The following ARSG variants were observed in gnomAD, a reference collection of about 807,000 sequenced individuals.
The protein encoded by ARSG is arylsulfatase G, also known as ASG.
ARSG carries 37 observed loss-of-function variants against 50.5 expected under a neutral mutation model. The observed-to-expected ratio is 0.73, with a 90% CI of 0.56 to 0.96. The LOEUF (loss-of-function observed/expected upper bound fraction) is 0.96. Among genes scored for constraint, ARSG ranks in the 50% least tolerant of loss-of-function variants. The pLI, the probability that ARSG is intolerant of heterozygous loss-of-function variation, is 0.00. For synonymous variants in ARSG, 225 were observed against 254.6 expected, an observed-to-expected ratio of 0.88 and a Z score of 1.11; for missense variants, 629 against 675.3, an observed-to-expected ratio of 0.93 and a Z score of 0.76.
chr17:68,319,075 C>T (rs1426518785), intron 2 of ARSG, among the ~76,000 whole-genome samples: 2 of 152,182 alleles, frequency 1.3e-5, no homozygotes, highest in East Asian at 3.8e-4. Context: ...GTGATGAGGT[C>T]TTGATATCTG....
intron 8 of ARSG, among the ~76,000 whole-genome samples, chr17:68,376,357 G>A (rs2080152402): frequency 1.4e-5 from 2 of 147,214 alleles, no homozygotes; most frequent in African/African-American, 5.0e-5. Flanking sequence ...GCTCACTGCA[G>A]CCTCAACCTC....
chr17:68,344,204 C>T (rs2078404500), intron 3 of ARSG, among the ~76,000 whole-genome samples: 1 of 152,212 alleles, frequency 6.6e-6, no homozygotes, highest in South Asian at 2.1e-4. Flanking sequence ...AGGGAGATGG[C>T]TCAGCTCTGC....
chr17:68,391,773 C>T (rs1045278033), intron 9 of ARSG, among the ~76,000 whole-genome samples: 1 of 152,160 alleles, frequency 6.6e-6, no homozygotes, highest in Non-Finnish European at 1.5e-5. Context: ...CCGTGCTCTG[C>T]GAGTGCTGAC....
At chr17:68,426,251 G>GGGGGGGGGGGGGGGT, downstream of ARSG, 6 of 825,460 alleles carry the variant, frequency 7.3e-6, 1 homozygote, top group South Asian at 2.6e-5. Context: ...GTGGGGAGCG[G>GGGGGGGGGGGGGGGT]GGGCTCAAAT....
At chr17:68,430,806 G>A in the ARSG span, among the ~76,000 whole-genome samples, 5 of 152,212 alleles carry the variant, frequency 3.3e-5, no homozygotes, top group Non-Finnish European at 7.3e-5. Flanking sequence ...CCCACACAGA[G>A]GGTGGCACAT....
chr17:68,340,580 C>G (rs1224653176), intron 2 of ARSG, among the ~76,000 whole-genome samples: 1 of 152,190 alleles, frequency 6.6e-6, no homozygotes, highest in Non-Finnish European at 1.5e-5. Flanking sequence ...GCCACCACGC[C>G]AGGCCTAATT....
intron 1 of ARSG, among the ~76,000 whole-genome samples, chr17:68,295,043 C>T (rs1555757635): frequency 6.6e-6 from 1 of 152,164 alleles, no homozygotes; most frequent in Admixed American, 6.6e-5. Context: ...GTGCAAGGGG[C>T]TTAGCACTGG....
intron 11 of ARSG, among the ~76,000 whole-genome samples, chr17:68,417,634 T>G (rs1159265648): frequency 6.6e-6 from 1 of 151,870 alleles, no homozygotes; most frequent in Non-Finnish European, 1.5e-5. Flanking sequence ...CTCTGTTAAG[T>G]TGTGATTGTT....
At chr17:68,295,035 G>T (rs187995153) in intron 1 of ARSG, among the ~76,000 whole-genome samples, 17 of 152,316 alleles carry the variant, frequency 1.1e-4, no homozygotes. Context: ...ATTAACACGT[G>T]CAAGGGGCTT....
downstream of ARSG, chr17:68,426,072 C>G: frequency 6.2e-7 from 1 of 1,612,804 alleles, no homozygotes; most frequent in Non-Finnish European, 8.5e-7. Flanking sequence ...TCCTAATGCT[C>G]ACAGGAGGAA....
chr17:68,274,396 G>A (rs1176366829), intron 1 of ARSG: 5 of 201,226 alleles, frequency 2.5e-5, no homozygotes, highest in Non-Finnish European at 5.2e-5. Flanking sequence ...AGCCTGGGAG[G>A]CAGACGATGC....
chr17:68,424,041 G>A (rs762252795), downstream of ARSG, among the ~76,000 whole-genome samples: 2 of 152,092 alleles, frequency 1.3e-5, no homozygotes, highest in East Asian at 1.9e-4. Context: ...TGGAAGCCTC[G>A]ACTTCAGGTA....
Position 68,270,840 on chromosome 17 carries a change from T to C in ARSG, c.-552+11414T>C, listed in dbSNP as rs782484148. 60 of 1,598,574 alleles carry C rather than the reference T, an allele frequency of 3.8e-5. No homozygotes were observed. The South Asian group carries it at 6.0e-4, about 16-fold the overall frequency. On this transcript the variant is annotated intron_variant, in intron 1 of 11. Coordinates refer to the ARSG transcript ENST00000448504. The stretch of plus-strand genomic sequence containing the variant: ...TTGTATTTTGTGTATTTAAATTACC[T>C]GCAAGGGGCGGTCCAGCCAGTCCTG...
intron 8 of ARSG, among the ~76,000 whole-genome samples, chr17:68,383,944 C>A (rs915229871): frequency 3.9e-5 from 6 of 152,158 alleles, no homozygotes; most frequent in African/African-American, 1.4e-4. Context: ...GACTCCAAAG[C>A]TGATTATGAA....
intron 11 of ARSG, among the ~76,000 whole-genome samples, chr17:68,412,761 T>G (rs1211307796): frequency 2.0e-5 from 3 of 152,200 alleles, no homozygotes; most frequent in African/African-American, 7.2e-5. Context: ...GGTACACCAA[T>G]CAGACGTAGA....
At position 68,420,504 on chromosome 17, in the gene ARSG, T is replaced by G. The variant is rs2082705703; in HGVS notation, c.*41T>G. The G allele has an allele frequency of 6.3e-7, 1 of 1,587,920 alleles. No individual in the cohort carries two copies. Among genetic ancestry groups the G allele is most frequent in the African/African-American group, 1.4e-5 (1 of 74,072 alleles). Reference sequence around the variant, plus strand: ...TCCACGAGGAGGAGTACCTGGAAATTAGGCAAGTTTGCTTCCAAATTTCAT... The same window carrying G: ...TCCACGAGGAGGAGTACCTGGAAATGAGGCAAGTTTGCTTCCAAATTTCAT... On this transcript the variant is annotated 3_prime_UTR_variant, in exon 12 of 12. Transcript: ENST00000621439.
In ARSG at chr17:68,302,333, A is replaced by G. The variant is rs1449085490; in HGVS notation, c.-551-4610A>G. On this transcript the variant is annotated intron_variant, in intron 1 of 11. Coordinates refer to ENST00000621439, the MANE Select transcript of ARSG (RefSeq NM_001267727.2). ...GTCTTTTTTGGCCTCGGCTCATCAG[A>G]TGCTTTTGTCTCTGGAAAACCAACA... Among the ~76,000 whole-genome samples, 7 of 152,162 alleles carry G rather than the reference A, an allele frequency of 4.6e-5. No individual in the cohort carries two copies. The South Asian group carries it at 6.2e-4, about 14-fold the overall frequency.
In ARSG at chr17:68,370,505, A is replaced by G; in HGVS notation, c.963A>G (p.Gly321=). The G allele has an allele frequency of 1.2e-6, 2 of 1,613,848 alleles. No homozygotes were observed. The highest frequency in any genetic ancestry group is 8.5e-7 in the Non-Finnish European group (1 of 1,179,950). ...ELAGSVGPFT[G]FWQTRQGGSP... ...CGGGCAGTGTGGGTCCCTTCACTGG[A>G]TTTTGGCAAACTCGTCAAGGTAAGG... Residue 321 remains glycine, a synonymous_variant, in exon 8 of 12, where the codon GGA becomes GGG. Coordinates refer to ENST00000621439, the MANE Select transcript of ARSG (RefSeq NM_001267727.2).
chr17:68,396,862 C>G (rs1303633786), intron 10 of ARSG, among the ~76,000 whole-genome samples: 4 of 152,192 alleles, frequency 2.6e-5, no homozygotes, highest in African/African-American at 9.6e-5. Context: ...CAGGCCTAGC[C>G]CTTCTCCCTA....
Sources: gnomAD v4.1 joint callset for allele counts (sites outside exome capture counted in the v4.1 genomes callset) on GRCh38, gnomAD v4.1.1 for gene constraint, MANE v1.5 for transcripts, NCBI Gene and HGNC (gene_info 2026-07-23, HGNC 2026-07-21) for gene names.